Variants in CHL1 observed in about 807,000 individuals in gnomAD.
CHL1 encodes the protein cell adhesion molecule L1 like.
Under a neutral mutation model 141.9 loss-of-function variants are expected in CHL1, and 96 were observed. The ratio of observed to expected loss-of-function variants is 0.68; its 90% confidence interval spans 0.57 to 0.80. CHL1 has a LOEUF of 0.80. Among genes scored for constraint, CHL1 ranks in the 30% least tolerant of loss-of-function variants. CHL1 has a pLI of 0.00. For missense variants in CHL1, 1,820 were observed against 1,457.2 expected, an observed-to-expected ratio of 1.25 and a Z score of -4.05; for synonymous variants, 613 against 502.2, an observed-to-expected ratio of 1.22 and a Z score of -2.95.
chr3:272,701 G>A (rs1695740477), intron 2 of CHL1, among the ~76,000 whole-genome samples: 2 of 152,190 alleles, frequency 1.3e-5, no homozygotes, highest in African/African-American at 2.4e-5. Context: ...GTTCAAAGCA[G>A]CAATGGACGT....
chr3:348,581 C>G (rs1179752948), intron 9 of CHL1, among the ~76,000 whole-genome samples: 57 of 152,230 alleles, frequency 3.7e-4, no homozygotes, highest in Non-Finnish European at 8.8e-5. Context: ...CTCCCCAGTC[C>G]TTTTTTCCTC....
intron 1 of CHL1, among the ~76,000 whole-genome samples, chr3:219,334 A>G (rs1700620471): frequency 6.6e-6 from 1 of 152,088 alleles, no homozygotes; most frequent in Non-Finnish European, 1.5e-5. Flanking sequence ...TATATTCCCA[A>G]AGGAATATAA....
At chr3:200,651 G>C (rs1384180968) in intron 1 of CHL1, among the ~76,000 whole-genome samples, 2 of 152,150 alleles carry the variant, frequency 1.3e-5, no homozygotes, top group African/African-American at 4.8e-5. Context: ...ATTGTGCTAA[G>C]CATTCTTTCA....
chr3:402,392 C>G (rs1709216513), intron 27 of CHL1, among the ~76,000 whole-genome samples: 1 of 152,178 alleles, frequency 6.6e-6, no homozygotes, highest in African/African-American at 2.4e-5. Context: ...GTTAAACTGT[C>G]TCATTCTCCT....
chr3:388,542 C>A (rs1032214737), intron 19 of CHL1, among the ~76,000 whole-genome samples: 1 of 127,420 alleles, frequency 7.8e-6, no homozygotes, highest in Admixed American at 8.8e-5. Context: ...AGTGAAACTC[C>A]GTCTCAAGAA....
At chr3:288,012 C>T in intron 2 of CHL1, among the ~76,000 whole-genome samples, 1 of 152,172 alleles carries the variant, frequency 6.6e-6, no homozygotes, top group Admixed American at 6.5e-5. Flanking sequence ...GGGCAATCTG[C>T]CCACCTTAGC....
intron 1 of CHL1, among the ~76,000 whole-genome samples, chr3:201,735 T>C (rs906465248): frequency 6.6e-6 from 1 of 152,208 alleles, no homozygotes. Context: ...ATTTTATGCT[T>C]TGACCAGGGT....
At chr3:362,912 C>T (rs1359833283) in intron 13 of CHL1, among the ~76,000 whole-genome samples, 1 of 152,140 alleles carries the variant, frequency 6.6e-6, no homozygotes, top group African/African-American at 2.4e-5. Context: ...AAGAGTTCAC[C>T]ATCAATAAGC....
intron 10 of CHL1, among the ~76,000 whole-genome samples, chr3:351,054 A>T (rs1055825317): frequency 2.6e-5 from 4 of 152,106 alleles, no homozygotes; most frequent in African/African-American, 9.7e-5. Context: ...TTCTCCTCCA[A>T]GTTGCTGACT....
chr3:320,764 T>G (rs182907350), intron 3 of CHL1, among the ~76,000 whole-genome samples: 66 of 152,206 alleles, frequency 4.3e-4, no homozygotes, highest in Admixed American at 1.1e-3. Flanking sequence ...AAGTCTGCCA[T>G]GTATAGATCT....
At position 321,205 on chromosome 3, in the gene CHL1, A is replaced by G. The variant is rs144525284; in HGVS notation, c.91+1338A>G. On this transcript the variant is annotated intron_variant, in intron 3 of 27. Coordinates refer to ENST00000256509, the MANE Select transcript of CHL1 (RefSeq NM_006614.4). Reference sequence around the variant, plus strand: ...TGGAAAGAACTGAAATTGTAGTTCCATCCCCCCAGGTAGAAATCCCTTCTC... The same window carrying G: ...TGGAAAGAACTGAAATTGTAGTTCCGTCCCCCCAGGTAGAAATCCCTTCTC... Among the ~76,000 whole-genome samples the G allele has an allele frequency of 8.0e-3, 1,211 of 152,184 alleles. 16 individuals carry two copies. The highest frequency in any genetic ancestry group is 0.028 in the African/African-American group (1,160 of 41,528).
intron 2 of CHL1, among the ~76,000 whole-genome samples, chr3:263,647 T>A (rs548571799): frequency 6.6e-6 from 1 of 152,234 alleles, no homozygotes; most frequent in African/African-American, 2.4e-5. Context: ...ATTCACATAA[T>A]TGATGTAGAG....
chr3:245,263 C>A (rs1693054824), intron 2 of CHL1, among the ~76,000 whole-genome samples: 1 of 152,054 alleles, frequency 6.6e-6, no homozygotes, highest in East Asian at 1.9e-4. Context: ...GAGTTTGGAA[C>A]AATAAGAAAA....
chr3:329,558 A>C (rs1393974619), intron 5 of CHL1, among the ~76,000 whole-genome samples: 1 of 151,954 alleles, frequency 6.6e-6, no homozygotes, highest in Non-Finnish European at 1.5e-5. Context: ...AATGTGGTTG[A>C]TGCAGGGAAG....
At chr3:404,456 G>T (rs1047264566) in intron 27 of CHL1, among the ~76,000 whole-genome samples, 2 of 151,608 alleles carry the variant, frequency 1.3e-5, no homozygotes, top group Non-Finnish European at 2.9e-5. Flanking sequence ...ATACTAATTG[G>T]TACTTAAAAA....
At chr3:253,421 T>A (rs1293675157) in intron 2 of CHL1, among the ~76,000 whole-genome samples, 1 of 152,154 alleles carries the variant, frequency 6.6e-6, no homozygotes, top group African/African-American at 2.4e-5. Context: ...GAAACAAGAA[T>A]AAGCAAGAAA....
In CHL1 at chr3:246,197, A is replaced by C. The variant is rs547279055; in HGVS notation, c.-95+1505A>C. On this transcript the variant is annotated intron_variant, in intron 2 of 27. Coordinates refer to ENST00000256509, the MANE Select transcript of CHL1 (RefSeq NM_006614.4). ...ACAAAATACAATACCCAGGGTATTA[A>C]ATTTTAAAAAAGAGATTATCATACT... Among the ~76,000 whole-genome samples the C allele has an allele frequency of 3.2e-4, 48 of 152,224 alleles. No homozygotes were observed. The South Asian group carries it at 9.8e-3, about 31-fold the overall frequency.
At chr3:353,572 G>A (rs1292627981) in intron 10 of CHL1, among the ~76,000 whole-genome samples, 1 of 152,122 alleles carries the variant, frequency 6.6e-6, no homozygotes. Flanking sequence ...ATCTCACTTG[G>A]ACTTGAACTT....
chr3:280,577 A>T (rs1173300583), intron 2 of CHL1, among the ~76,000 whole-genome samples: 3 of 152,200 alleles, frequency 2.0e-5, no homozygotes, highest in Non-Finnish European at 4.4e-5. Flanking sequence ...TTACTGTATC[A>T]AGCAGGCCCT....
Sources: allele counts gnomAD v4.1 joint callset (sites outside exome capture counted in the v4.1 genomes callset), GRCh38; gene constraint gnomAD v4.1.1; transcripts MANE v1.5; gene names NCBI Gene and HGNC (gene_info 2026-07-23, HGNC 2026-07-21).